PDE4D: variants seen among roughly 807,000 people sequenced by gnomAD.
PDE4D encodes the protein phosphodiesterase 4D.
A neutral mutation model predicts 87.4 loss-of-function variants in PDE4D; 24 were observed. The observed-to-expected ratio is 0.27, with a 90% CI of 0.20 to 0.39. The LOEUF (loss-of-function observed/expected upper bound fraction) is 0.39. Among genes scored for constraint, PDE4D ranks in the 10% least tolerant of loss-of-function variants. The probability of loss-of-function intolerance (pLI) is 1.00; values close to 1 mark genes in which losing one functional copy is unlikely to be tolerated. For missense variants in PDE4D, 714 were observed against 1,041.0 expected, an observed-to-expected ratio of 0.69 and a Z score of 4.32; for synonymous variants, 384 against 383.2, an observed-to-expected ratio of 1.00 and a Z score of -0.02.
intron 1 of PDE4D, among the ~76,000 whole-genome samples, chr5:60,285,239 T>C (rs1195131664): frequency 6.6e-6 from 1 of 152,110 alleles, no homozygotes; most frequent in East Asian, 1.9e-4. Flanking sequence ...TTAACAGATT[T>C]TGGATTCCTG....
intron 1 of PDE4D, among the ~76,000 whole-genome samples, chr5:59,782,170 T>TGCTTTTTC (rs1764701688): frequency 6.6e-6 from 1 of 152,224 alleles, no homozygotes; most frequent in Non-Finnish European, 1.5e-5. Context: ...AGACCAACTC[T>TGCTTTTTC]AAAATACTGC....
chr5:58,978,100 G>C (rs562790067), intron 11 of PDE4D, among the ~76,000 whole-genome samples: 8 of 152,126 alleles, frequency 5.3e-5, no homozygotes, highest in Non-Finnish European at 1.2e-4. Context: ...AGCAGACCCA[G>C]AGCTACAAGA....
At chr5:59,726,225 T>G (rs1756571724) in intron 1 of PDE4D, among the ~76,000 whole-genome samples, 1 of 152,140 alleles carries the variant, frequency 6.6e-6, no homozygotes, top group African/African-American at 2.4e-5. Flanking sequence ...CATTAGATCA[T>G]GTGAACATAA....
intron 6 of PDE4D, chr5:59,002,204 T>C (rs913227550): frequency 3.0e-6 from 1 of 336,410 alleles, no homozygotes; most frequent in African/African-American, 2.2e-5. Flanking sequence ...CCAGGTTCAC[T>C]CTGGTACTGA....
chr5:58,991,484 G>A (rs1747901878), intron 8 of PDE4D, among the ~76,000 whole-genome samples: 1 of 152,126 alleles, frequency 6.6e-6, no homozygotes, highest in Admixed American at 6.6e-5. Context: ...ACACATTTAT[G>A]TACTTTTTAA....
intron 1 of PDE4D, among the ~76,000 whole-genome samples, chr5:60,319,523 G>A (rs1032898019): frequency 6.6e-6 from 1 of 152,240 alleles, no homozygotes; most frequent in Admixed American, 6.5e-5. Context: ...TTCCGTTGCT[G>A]ATGAGGAGCT....
At chr5:60,317,650 C>T (rs1238557333) in intron 1 of PDE4D, among the ~76,000 whole-genome samples, 2 of 152,198 alleles carry the variant, frequency 1.3e-5, no homozygotes, top group African/African-American at 4.8e-5. Context: ...CCTCTACACA[C>T]TGCATTGAAT....
chr5:59,307,531 C>T (rs2153563814), intron 1 of PDE4D, among the ~76,000 whole-genome samples: 1 of 152,174 alleles, frequency 6.6e-6, no homozygotes, highest in South Asian at 2.1e-4. Context: ...ACAAACAACC[C>T]CATCAGAAAG....
At chr5:59,778,763 G>T (rs926656201) in intron 1 of PDE4D, among the ~76,000 whole-genome samples, 1 of 152,152 alleles carries the variant, frequency 6.6e-6, no homozygotes, top group Non-Finnish European at 1.5e-5. Flanking sequence ...TGATTTTGCC[G>T]TTTGTTTTAC....
chr5:59,690,476 C>G (rs925807366), intron 1 of PDE4D, among the ~76,000 whole-genome samples: 10 of 152,106 alleles, frequency 6.6e-5, no homozygotes, highest in African/African-American at 1.9e-4. Flanking sequence ...GGAAAGGATT[C>G]CCTATTTAAT....
At chr5:59,086,002 C>A (rs975785861) in intron 5 of PDE4D, among the ~76,000 whole-genome samples, 4 of 152,044 alleles carry the variant, frequency 2.6e-5, no homozygotes, top group African/African-American at 7.2e-5. Flanking sequence ...ATAAAATCAC[C>A]CTGACTTTTG....
At chr5:59,436,341 A>C (rs912449152) in intron 1 of PDE4D, among the ~76,000 whole-genome samples, 4 of 152,240 alleles carry the variant, frequency 2.6e-5, no homozygotes, top group Non-Finnish European at 4.4e-5. Flanking sequence ...GGAATAGCCA[A>C]TCAATGTGAA....
intron 7 of PDE4D, among the ~76,000 whole-genome samples, 171 bp downstream of exon 7, chr5:58,993,201 C>T (rs1178015439): frequency 6.6e-6 from 1 of 152,120 alleles, no homozygotes; most frequent in East Asian, 1.9e-4. Flanking sequence ...TCACCTGCAA[C>T]TCTAAAACTC....
chr5:59,173,662 A>G (rs1783370032), intron 5 of PDE4D, among the ~76,000 whole-genome samples: 1 of 152,194 alleles, frequency 6.6e-6, no homozygotes, highest in Non-Finnish European at 1.5e-5. Context: ...ATGAACACAT[A>G]TTTCTGGCAA....
intron 1 of PDE4D, among the ~76,000 whole-genome samples, chr5:59,739,555 G>T (rs958904959): frequency 3.3e-5 from 5 of 152,088 alleles, no homozygotes; most frequent in African/African-American, 1.2e-4. Flanking sequence ...AATCAATTGA[G>T]ATAAATTAGA....
intron 10 of PDE4D, among the ~76,000 whole-genome samples, chr5:58,989,246 T>G (rs79434910): frequency 0.012 from 1,765 of 152,296 alleles, 39 homozygotes; most frequent in African/African-American, 0.04. Flanking sequence ...GGTATTAACA[T>G]AATTTTATAA....
At chr5:59,608,406 C>T (rs927862878) in intron 1 of PDE4D, among the ~76,000 whole-genome samples, 2 of 152,062 alleles carry the variant, frequency 1.3e-5, no homozygotes, top group Non-Finnish European at 2.9e-5. Flanking sequence ...ATAACAACCA[C>T]CTAAACACAA....
intron 1 of PDE4D, among the ~76,000 whole-genome samples, chr5:59,628,027 C>G (rs1407466514): frequency 6.6e-6 from 1 of 152,152 alleles, no homozygotes; most frequent in Non-Finnish European, 1.5e-5. Context: ...ATTATCTATG[C>G]CTACTGCTTA....
At chr5:59,031,413 TATAG>T (rs1757469471) in intron 6 of PDE4D, among the ~76,000 whole-genome samples, 5 of 100,294 alleles carry the variant, frequency 5.0e-5, no homozygotes, top group South Asian at 3.3e-4. Context: ...TATATATATA[TATAG>T]ATTATACAGG....
Sources: gnomAD v4.1 joint callset for allele counts (sites outside exome capture counted in the v4.1 genomes callset) on GRCh38, gnomAD v4.1.1 for gene constraint, MANE v1.5 for transcripts, NCBI Gene and HGNC (gene_info 2026-07-23, HGNC 2026-07-21) for gene names.